The following PRKAR2B variants were observed in gnomAD, a reference collection of about 807,000 sequenced individuals.
PRKAR2B encodes cAMP-dependent protein kinase type II-beta regulatory subunit.
Under a neutral mutation model 49.9 loss-of-function variants are expected in PRKAR2B, and 14 were observed. That is an observed-to-expected ratio of 0.28 (90% CI 0.19 to 0.44). PRKAR2B has a LOEUF of 0.44. Among genes scored for constraint, PRKAR2B ranks in the 20% least tolerant of loss-of-function variants. PRKAR2B has a pLI of 1.00. For synonymous variants in PRKAR2B, 196 were observed against 197.7 expected (o/e 0.99, Z 0.07); for missense variants, 393 against 537.9 (o/e 0.73, Z 2.67).
intron 2 of PRKAR2B, among the ~76,000 whole-genome samples, chr7:107,071,889 C>A (rs1029029482): frequency 4.6e-5 from 7 of 151,860 alleles, no homozygotes; most frequent in African/African-American, 1.2e-4. Flanking sequence ...CATGGTGAAA[C>A]CCCGTCTCTG....
At chr7:107,104,336 C>T (rs1407548314) in intron 2 of PRKAR2B, among the ~76,000 whole-genome samples, 1 of 152,154 alleles carries the variant, frequency 6.6e-6, no homozygotes, top group Admixed American at 6.5e-5. Flanking sequence ...TGCCTGCCCT[C>T]CTCGCCTCAA....
At chr7:107,090,342 G>C (rs1794713739) in intron 2 of PRKAR2B, among the ~76,000 whole-genome samples, 1 of 152,174 alleles carries the variant, frequency 6.6e-6, no homozygotes, top group South Asian at 2.1e-4. Flanking sequence ...GCAAGAAAGA[G>C]GTGGACCTGA....
intron 2 of PRKAR2B, among the ~76,000 whole-genome samples, chr7:107,090,370 G>A (rs1447837463): frequency 6.6e-6 from 1 of 152,106 alleles, no homozygotes; most frequent in Non-Finnish European, 1.5e-5. Context: ...TCTCATTCAA[G>A]GCTTCCCCAA....
chr7:107,079,902 T>C (rs1293170259), intron 2 of PRKAR2B, among the ~76,000 whole-genome samples: 2 of 152,140 alleles, frequency 1.3e-5, no homozygotes, highest in South Asian at 2.1e-4. Flanking sequence ...TCCAGGCATG[T>C]GTGTAGAGCG....
In PRKAR2B at chr7:107,098,713, G is replaced by GT. The variant is rs556855664; in HGVS notation, c.344-23236dup. On this transcript the variant is annotated intron_variant, in intron 2 of 10. Coordinates refer to ENST00000265717, the MANE Select transcript of PRKAR2B (RefSeq NM_002736.3). Reference sequence around the variant, plus strand: ...GGGTTTTGGTGTGGATGTCCTTTCTGTTTGTTAGTTTTCCTTCTAACAGTC... The same window carrying GT: ...GGGTTTTGGTGTGGATGTCCTTTCTGTTTTGTTAGTTTTCCTTCTAACAGTC... Among the ~76,000 whole-genome samples, 670 of 152,272 alleles carry GT rather than the reference G, an allele frequency of 4.4e-3. 5 individuals carry two copies. The highest frequency in any genetic ancestry group is 0.015 in the African/African-American group (632 of 41,546).
At chr7:107,050,333 CTTTTTTTTTTTTTTT>C (rs57752789) in intron 1 of PRKAR2B, among the ~76,000 whole-genome samples, 13 of 68,594 alleles carry the variant, frequency 1.9e-4, no homozygotes, top group South Asian at 5.0e-4. Flanking sequence ...CAGTTACCAG[CTTTTTTTTTTTTTTT>C]TTTTTTTTTT....
At chr7:107,102,320 C>T (rs997022334) in intron 2 of PRKAR2B, among the ~76,000 whole-genome samples, 11 of 152,190 alleles carry the variant, frequency 7.2e-5, no homozygotes, top group Admixed American at 4.6e-4. Flanking sequence ...TGGAAGTTAC[C>T]TTATATGGTT....
At chr7:107,132,712 A>G (rs1339903585) in intron 4 of PRKAR2B, among the ~76,000 whole-genome samples, 1 of 152,166 alleles carries the variant, frequency 6.6e-6, no homozygotes, top group East Asian at 1.9e-4. Flanking sequence ...GAAAACTTGA[A>G]GGAGGAAGGG....
chr7:107,100,400 T>C (rs955857997), intron 2 of PRKAR2B, among the ~76,000 whole-genome samples: 1 of 152,198 alleles, frequency 6.6e-6, no homozygotes, highest in Non-Finnish European at 1.5e-5. Context: ...AAATAAATCA[T>C]TTCTCTCTTA....
In PRKAR2B at chr7:107,097,799, G is replaced by A. The variant is rs188414831; in HGVS notation, c.344-24153G>A. On this transcript the variant is annotated intron_variant, in intron 2 of 10. Transcript: ENST00000265717. ...AGTTTGGCTGGATATGAAATTCTGG[G>A]TTGAAAATTCTTTTCTTTAAGAATG... 2.4e-4 allele frequency among the ~76,000 whole-genome samples: 36 copies of A among 152,284 alleles called. 1 individual carries two copies. In the East Asian group the frequency reaches 6.8e-3, roughly 29 times the overall value.
intron 2 of PRKAR2B, among the ~76,000 whole-genome samples, chr7:107,093,740 CTA>C (rs1794780708): frequency 6.6e-6 from 1 of 150,470 alleles, no homozygotes; most frequent in Non-Finnish European, 1.5e-5. Flanking sequence ...CAATTCCCAC[CTA>C]TGAGTGAGAA....
In PRKAR2B at chr7:107,075,294, G is replaced by A. The variant is rs1018326404; in HGVS notation, c.343+4978G>A. 4.6e-5 allele frequency among the ~76,000 whole-genome samples: 7 copies of A among 151,660 alleles called. No individual in the cohort carries two copies. The East Asian group carries it at 5.8e-4, about 13-fold the overall frequency. Reference sequence around the variant, plus strand: ...ATTTTTTGTATTTTAATAGAGACAGGGTTTCACCATGTTGGCCAGGATGGT... The same window carrying A: ...ATTTTTTGTATTTTAATAGAGACAGAGTTTCACCATGTTGGCCAGGATGGT... On this transcript the variant is annotated intron_variant, in intron 2 of 10. Coordinates refer to ENST00000265717, the MANE Select transcript of PRKAR2B (RefSeq NM_002736.3).
chr7:107,112,003 CAAAAAAAAAAA>C (rs71134251), intron 2 of PRKAR2B, among the ~76,000 whole-genome samples: 11 of 46,182 alleles, frequency 2.4e-4, no homozygotes, highest in South Asian at 1.4e-3. Flanking sequence ...CCTCCTCTAC[CAAAAAAAAAAA>C]AAAAAAAAAA....
rs1554366460 is a variant in PRKAR2B at position 107,092,268 on chromosome 7, T to TGTGC, written c.343+21953_343+21954insTGCG. Among the ~76,000 whole-genome samples, 29 of 148,582 alleles carry TGTGC rather than the reference T, an allele frequency of 2.0e-4. No homozygotes were observed. In the South Asian group the frequency reaches 2.2e-3, roughly 11 times the overall value. ...AGTTGTGTGTGTGTGTGTGTGTGTGTGCGTGTGTCTGTGTGTGTGTGTGTG... is the reference window on the plus strand; with the variant it reads ...AGTTGTGTGTGTGTGTGTGTGTGTGTGTGCGCGTGTGTCTGTGTGTGTGTGTGTG... On this transcript the variant is annotated intron_variant, in intron 2 of 10. Transcript: ENST00000265717.
chr7:107,047,239 C>T (rs1028248218), intron 1 of PRKAR2B, among the ~76,000 whole-genome samples: 4 of 152,330 alleles, frequency 2.6e-5, no homozygotes, highest in Admixed American at 1.3e-4. Context: ...AGTACAGGTA[C>T]TTCCTTCTGT....
At chr7:107,123,711 C>T (rs1795429600) in intron 3 of PRKAR2B, among the ~76,000 whole-genome samples, 1 of 152,180 alleles carries the variant, frequency 6.6e-6, no homozygotes, top group African/African-American at 2.4e-5. Context: ...ACTTGGGAAC[C>T]ACTTCTGTAA....
intron 1 of PRKAR2B, among the ~76,000 whole-genome samples, chr7:107,050,508 T>C (rs768597031): frequency 2.3e-4 from 35 of 152,154 alleles, no homozygotes; most frequent in Non-Finnish European, 3.5e-4. Context: ...TGAAAAACAA[T>C]TGTGTTTCTT....
chr7:107,047,404 T>C (rs1382935342), intron 1 of PRKAR2B, among the ~76,000 whole-genome samples: 1 of 152,112 alleles, frequency 6.6e-6, no homozygotes. Flanking sequence ...TGTTTTAGAC[T>C]TAGGGCAACA....
At chr7:107,128,430 A>G (rs1314352668) in intron 4 of PRKAR2B, 135 bp downstream of exon 4, 1 of 594,996 alleles carries the variant, frequency 1.7e-6, no homozygotes, top group Non-Finnish European at 3.0e-6. Context: ...CCCCTTGCGG[A>G]TGCTTGAATG....
Sources: allele counts gnomAD v4.1 joint callset (sites outside exome capture counted in the v4.1 genomes callset), GRCh38; gene constraint gnomAD v4.1.1; transcripts MANE v1.5; gene names NCBI Gene and HGNC (gene_info 2026-07-23, HGNC 2026-07-21).